The following PCDH9 variants were observed in gnomAD, a reference collection of about 807,000 sequenced individuals.
PCDH9 encodes the protein protocadherin-9.
A neutral mutation model predicts 70.6 loss-of-function variants in PCDH9; 24 were observed. The ratio of observed to expected loss-of-function variants is 0.34; its 90% CI spans 0.25 to 0.48. The LOEUF is 0.48. Ranked by LOEUF, PCDH9 falls within the 20% of genes least tolerant of loss-of-function variation. PCDH9 has a pLI of 0.99. For missense variants in PCDH9, 1,281 were observed against 1,503.6 expected, an observed-to-expected ratio of 0.85 and a Z score of 2.45; for synonymous variants, 562 against 558.5, an observed-to-expected ratio of 1.01 and a Z score of -0.09.
At chr13:66,949,737 T>C (rs1464285544) in intron 2 of PCDH9, among the ~76,000 whole-genome samples, 1 of 151,866 alleles carries the variant, frequency 6.6e-6, no homozygotes, top group Non-Finnish European at 1.5e-5. Context: ...GAATAGAGCT[T>C]TGGAAAAATG....
At chr13:67,163,717 G>T (rs1173534610) in intron 2 of PCDH9, among the ~76,000 whole-genome samples, 1 of 152,184 alleles carries the variant, frequency 6.6e-6, no homozygotes, top group East Asian at 1.9e-4. Context: ...GCAGAGATAT[G>T]CGATCACTTG....
chr13:67,175,560 C>T (rs1343312619), intron 2 of PCDH9, among the ~76,000 whole-genome samples: 1 of 152,250 alleles, frequency 6.6e-6, no homozygotes, highest in Non-Finnish European at 1.5e-5. Flanking sequence ...ATTTCCTCAC[C>T]TATTTCCACC....
In PCDH9 at chr13:66,964,741, T is replaced by A. The variant is rs140380359; in HGVS notation, c.3037-61136A>T. ...AGACAAGATGCTATTTCAGAAATATTCCTTCACTTATCTAGAACAAATACC... is the reference window on the plus strand; with the variant it reads ...AGACAAGATGCTATTTCAGAAATATACCTTCACTTATCTAGAACAAATACC... On this transcript the variant is annotated intron_variant, in intron 2 of 4. Transcript: ENST00000377865. 6.6e-5 allele frequency among the ~76,000 whole-genome samples: 10 copies of A among 152,208 alleles called. No individual in the cohort carries two copies. In the East Asian group the frequency reaches 1.9e-3, roughly 29 times the overall value.
At chr13:66,451,525 T>A (rs184929247) in intron 4 of PCDH9, among the ~76,000 whole-genome samples, 129 of 152,338 alleles carry the variant, frequency 8.5e-4, no homozygotes, top group Non-Finnish European at 1.1e-3. Flanking sequence ...CTACTATGAA[T>A]TAGTTTAACA....
rs533137549 is a variant in PCDH9, at chr13:66,765,050, GTCTC to G, written c.3139-133643_3139-133640del. Among the ~76,000 whole-genome samples the G allele has an allele frequency of 1.4e-3, 211 of 145,532 alleles. 2 individuals are homozygous for G. The highest frequency in any genetic ancestry group is 4.7e-3 in the East Asian group (23 of 4,890). On this transcript the variant is annotated intron_variant, in intron 3 of 4. Transcript: ENST00000377865. ...TCGCTCTCTCTCTTTCTGTGTCTTT[GTCTC>G]TCTCTGTCTGTCTCTGCCTCTGTCT...
intron 3 of PCDH9, among the ~76,000 whole-genome samples, chr13:66,750,099 A>G (rs1165283529): frequency 6.6e-6 from 1 of 152,162 alleles, no homozygotes; most frequent in African/African-American, 2.4e-5. Context: ...GCATGTGCAC[A>G]CACACACACA....
At chr13:66,355,116 A>G (rs780631612) in intron 4 of PCDH9, among the ~76,000 whole-genome samples, 1 of 152,116 alleles carries the variant, frequency 6.6e-6, no homozygotes, top group Non-Finnish European at 1.5e-5. Flanking sequence ...CTAACAGCAT[A>G]CTTACAGAGA....
intron 4 of PCDH9, among the ~76,000 whole-genome samples, chr13:66,516,629 G>C (rs541521182): frequency 1.0e-3 from 159 of 152,036 alleles, no homozygotes; most frequent in African/African-American, 3.7e-3. Flanking sequence ...TTATTGTTTA[G>C]AGACTATCAA....
intron 2 of PCDH9, among the ~76,000 whole-genome samples, chr13:67,042,816 C>A (rs155018): frequency 0.99 from 151,191 of 152,314 alleles, 75,050 homozygotes; most frequent in East Asian, 1. Flanking sequence ...ATGTTCTAAG[C>A]GAAACATGGA....
rs569048503 is a variant in PCDH9 at position 67,116,706 on chromosome 13, A to C, written c.3036+108699T>G. ...ATCAAACCTATTGCTCCTTTGTTCC[A>C]TCCACCATCAATATACACAAGATAC... On this transcript the variant is annotated intron_variant, in intron 2 of 4. Transcript: ENST00000377865. Among the ~76,000 whole-genome samples, 38 of 152,332 alleles carry C rather than the reference A, an allele frequency of 2.5e-4. 1 individual carries two copies. In the South Asian group the frequency reaches 5.2e-3, roughly 21 times the overall value.
chr13:66,637,264 T>C (rs1220936675), intron 3 of PCDH9, among the ~76,000 whole-genome samples: 1 of 152,190 alleles, frequency 6.6e-6, no homozygotes, highest in Non-Finnish European at 1.5e-5. Context: ...CTCTGAATAT[T>C]TGCAGACTCG....
At chr13:66,482,316 C>T (rs1958855668) in intron 4 of PCDH9, among the ~76,000 whole-genome samples, 1 of 152,180 alleles carries the variant, frequency 6.6e-6, no homozygotes, top group African/African-American at 2.4e-5. Flanking sequence ...TCATTTCCGT[C>T]TCCCAATGTG....
intron 2 of PCDH9, among the ~76,000 whole-genome samples, chr13:66,985,293 G>C (rs2083868148): frequency 6.6e-6 from 1 of 151,950 alleles, no homozygotes; most frequent in South Asian, 2.1e-4. Context: ...GAATGAATAG[G>C]AAAGTACCTT....
intron 2 of PCDH9, among the ~76,000 whole-genome samples, chr13:66,951,316 G>A (rs988343376): frequency 1.3e-5 from 2 of 152,138 alleles, no homozygotes; most frequent in African/African-American, 4.8e-5. Context: ...GTCTACAAGA[G>A]CTGCCTGGAT....
At chr13:66,809,187 A>G (rs2080459466) in intron 3 of PCDH9, among the ~76,000 whole-genome samples, 2 of 152,078 alleles carry the variant, frequency 1.3e-5, no homozygotes, top group African/African-American at 4.8e-5. Context: ...TGACCTCGTG[A>G]TCCACCCGTC....
intron 3 of PCDH9, among the ~76,000 whole-genome samples, chr13:66,840,764 G>A (rs938470737): frequency 2.6e-5 from 4 of 152,170 alleles, no homozygotes; most frequent in Non-Finnish European, 5.9e-5. Context: ...AACATAAAAT[G>A]GTTGGGTTCA....
At chr13:66,774,453 A>AT (rs148765077) in intron 3 of PCDH9, among the ~76,000 whole-genome samples, 12,360 of 134,592 alleles carry the variant, frequency 0.092, 519 homozygotes, top group East Asian at 0.18. Flanking sequence ...CATCTACTAG[A>AT]TTTTTTTTTT....
chr13:66,721,378 A>G (rs1425912249), intron 3 of PCDH9, among the ~76,000 whole-genome samples: 1 of 152,194 alleles, frequency 6.6e-6, no homozygotes, highest in Non-Finnish European at 1.5e-5. Flanking sequence ...GGCATTTTAC[A>G]GTCTCTCTGA....
At chr13:67,158,398 C>T (rs574936141) in intron 2 of PCDH9, among the ~76,000 whole-genome samples, 43 of 152,302 alleles carry the variant, frequency 2.8e-4, no homozygotes, top group Non-Finnish European at 5.3e-4. Context: ...ATGAATACTG[C>T]TATGGACTGA....
Sources: gnomAD v4.1 joint callset for allele counts (sites outside exome capture counted in the v4.1 genomes callset) on GRCh38, gnomAD v4.1.1 for gene constraint, MANE v1.5 for transcripts, NCBI Gene and HGNC (gene_info 2026-07-23, HGNC 2026-07-21) for gene names.